Variants in NCOR2 observed in about 807,000 individuals in gnomAD.
NCOR2 encodes the protein CTG repeat protein 26.
A neutral mutation model predicts 262.9 loss-of-function variants in NCOR2; 81 were observed. The observed-to-expected ratio is 0.31, with a 90% CI of 0.26 to 0.37. The LOEUF (loss-of-function observed/expected upper bound fraction) is 0.37. NCOR2 is among the 10% of genes least tolerant of loss of function. The probability of loss-of-function intolerance (pLI) is 1.00; values close to 1 mark genes in which losing one functional copy is unlikely to be tolerated. For missense variants in NCOR2, 3,385 were observed against 3,621.4 expected (o/e 0.93, Z 1.68); for synonymous variants, 1,659 against 1,559.3 (o/e 1.06, Z -1.51).
At chr12:124,354,063 G>A (rs542665035) in intron 27 of NCOR2, 30 bp downstream of exon 29, 21 of 1,588,040 alleles carry the variant, frequency 1.3e-5, no homozygotes, top group East Asian at 4.5e-5. Context: ...GGTCCCAACC[G>A]TCCTTCCTGC....
chr12:124,502,477 G>A (rs972526453), intron 1 of NCOR2, among the ~76,000 whole-genome samples: 1 of 152,184 alleles, frequency 6.6e-6, no homozygotes, highest in Non-Finnish European at 1.5e-5. Flanking sequence ...GGGCAGTCAG[G>A]GGTGCGTCAC....
rs2047525217 is a variant in NCOR2 at position 124,482,132 on chromosome 12, T to G, written c.411+1464A>C. 6.6e-6 allele frequency among the ~76,000 whole-genome samples: 1 copy of G among 152,078 alleles called. No individual in the cohort carries two copies. Among genetic ancestry groups the G allele is most frequent in the Non-Finnish European group, 1.5e-5 (1 of 67,994 alleles). On this transcript the variant is annotated intron_variant, in intron 3 of 46. Transcript: ENST00000405201. This position sits in a 1 kb window ranked among gnomAD's most constrained non-coding sequence, Gnocchi z 6.3. ...GGGCTCTCAGGCGCATGTGGTCTGT[T>G]GGCTAGGAGTTCATTAACTGACCTC... is the stretch of plus-strand genomic sequence containing the variant.
chr12:124,329,149 G>T, intron 44 of NCOR2: 1 of 470,056 alleles, frequency 2.1e-6, no homozygotes, highest in South Asian at 1.5e-5. Flanking sequence ...TTCTTCTTGT[G>T]GACTAAAACT....
In NCOR2 at chr12:124,350,719, GGACGTCA is replaced by G; in HGVS notation, c.3705_3711del (p.Asp1236CysfsTer49). ...ATCCTGGTGATGGTGCCCTTGTACA[GGACGTCA>G]GCTGGCGTGCCCTGCAGGTGCAGAG... On this transcript the variant is annotated frameshift_variant, in exon 28 of 47. Transcript: ENST00000405201. LOFTEE classifies it high-confidence loss of function. 6.2e-7 allele frequency: 1 copy of G among 1,612,342 alleles called. No homozygotes were observed. Among genetic ancestry groups the G allele is most frequent in the Non-Finnish European group, 8.5e-7 (1 of 1,179,944 alleles).
chr12:124,428,183 A>C (rs1711724037), intron 10 of NCOR2, among the ~76,000 whole-genome samples: 1 of 151,806 alleles, frequency 6.6e-6, no homozygotes, highest in Non-Finnish European at 1.5e-5. Context: ...GTGCAGACTA[A>C]ACCCACAGCC....
In NCOR2 at chr12:124,524,757, G is replaced by A. The variant is rs147046844; in HGVS notation, c.-118+10808C>T. Among the ~76,000 whole-genome samples the A allele has an allele frequency of 4.4e-3, 673 of 152,294 alleles. 8 individuals are homozygous for A. Among genetic ancestry groups the A allele is most frequent in the African/African-American group, 0.015 (637 of 41,544 alleles). ...CCCCTTGAATGACTCGTCCCTGGAC[G>A]CCTGGCCTGATGGAAGACTAATTCA... On this transcript the variant is annotated intron_variant, in intron 1 of 46. Coordinates refer to the NCOR2 transcript ENST00000404621.
chr12:124,397,149 T>C (rs1262250586), intron 16 of NCOR2, among the ~76,000 whole-genome samples: 7 of 151,478 alleles, frequency 4.6e-5, no homozygotes, highest in African/African-American at 9.7e-5. Context: ...TAACCGAGAG[T>C]GAGCGTGCCG....
At chr12:124,494,334 G>A (rs2048262685) in intron 1 of NCOR2, among the ~76,000 whole-genome samples, 1 of 152,150 alleles carries the variant, frequency 6.6e-6, no homozygotes, top group East Asian at 1.9e-4. Flanking sequence ...AGGTCACAAG[G>A]GGGAGGCCCA....
upstream of NCOR2, among the ~76,000 whole-genome samples, chr12:124,536,013 G>A (rs952486589): frequency 6.6e-6 from 1 of 152,232 alleles, no homozygotes; most frequent in African/African-American, 2.4e-5. Flanking sequence ...GACACCTGAA[G>A]GATGGGGTCC....
intron 8 of NCOR2, among the ~76,000 whole-genome samples, chr12:124,437,335 A>G (rs2044402520): frequency 1.3e-5 from 2 of 152,048 alleles, no homozygotes; most frequent in South Asian, 2.1e-4. Context: ...CCACCACCAC[A>G]TGCCTCTGGC....
chr12:124,407,046 A>G (rs1009044919), intron 13 of NCOR2, among the ~76,000 whole-genome samples: 1 of 152,224 alleles, frequency 6.6e-6, no homozygotes, highest in African/African-American at 2.4e-5. Context: ...GTCACACAGC[A>G]TTTCCTAGAA....
chr12:124,525,891 T>C (rs1207433272), intron 1 of NCOR2, among the ~76,000 whole-genome samples: 2 of 152,304 alleles, frequency 1.3e-5, no homozygotes, highest in East Asian at 1.9e-4. Flanking sequence ...CTGATCATAA[T>C]AGCACCTACT....
intron 37 of NCOR2, among the ~76,000 whole-genome samples, chr12:124,338,894 C>T (rs1320154710): frequency 1.3e-5 from 2 of 150,604 alleles, no homozygotes; most frequent in Non-Finnish European, 3.0e-5. Flanking sequence ...TCCACCTAAC[C>T]CTACCACCCA....
chr12:124,500,003 G>A (rs993237262), upstream of NCOR2, among the ~76,000 whole-genome samples: 8 of 152,116 alleles, frequency 5.3e-5, no homozygotes, highest in Non-Finnish European at 8.8e-5. Flanking sequence ...CAGGAGTCCC[G>A]CTGCACAGGC....
chr12:124,374,261 G>T, intron 19 of NCOR2, 152 bp downstream of exon 21: 1 of 740,174 alleles, frequency 1.4e-6, no homozygotes, highest in Non-Finnish European at 2.3e-6. Flanking sequence ...CACTGTGCTG[G>T]GAAGGAAGCC....
chr12:124,439,062 GACAGAGACCCAGAGAGAGAA>G (rs1452286460), intron 7 of NCOR2, among the ~76,000 whole-genome samples: 8 of 145,448 alleles, frequency 5.5e-5, no homozygotes, highest in Admixed American at 6.9e-5. Flanking sequence ...GACAGAGGGA[GACAGAGACCCAGAGAGAGAA>G]ACAGAGACCC....
intron 1 of NCOR2, among the ~76,000 whole-genome samples, chr12:124,515,968 T>C (rs554096387): frequency 1.3e-5 from 2 of 152,242 alleles, no homozygotes; most frequent in African/African-American, 4.8e-5. Flanking sequence ...CCTGAGGACT[T>C]TGGCAAAGGT....
Position 124,486,572 on chromosome 12 carries a change from C to T in NCOR2, c.106-4G>A, listed in dbSNP as rs779723431. The T allele has an allele frequency of 1.9e-6, 3 of 1,563,782 alleles. No individual in the cohort carries two copies. The highest frequency in any genetic ancestry group is 1.2e-5 in the South Asian group (1 of 85,546). On this transcript the variant is annotated splice_polypyrimidine_tract_variant and splice_region_variant and intron_variant, in intron 1 of 46. Transcript: ENST00000405201. The stretch of plus-strand genomic sequence containing the variant: ...GGTACTCCAGGAGCCCGACGTCCTG[C>T]AGGAGGGGACAGAGGAGTGGTGAGC...
chr12:124,327,500 A>C, exon 45 of NCOR2: 1 of 1,613,800 alleles, frequency 6.2e-7, no homozygotes. Flanking sequence ...GAGGGTTAAA[A>C]GCATTGGCGC....
Sources: allele counts gnomAD v4.1 joint callset (sites outside exome capture counted in the v4.1 genomes callset), GRCh38; gene constraint gnomAD v4.1.1; non-coding constraint Gnocchi (gnomAD v3.1); transcripts MANE v1.5; gene names NCBI Gene and HGNC (gene_info 2026-07-23, HGNC 2026-07-21).